The following IGFL3 variants were observed in gnomAD, a reference collection of about 807,000 sequenced individuals.
IGFL3 encodes insulin growth factor-like family member 3.
Under a neutral mutation model 17.0 loss-of-function variants are expected in IGFL3, and 12 were observed. The observed-to-expected ratio is 0.71, with a 90% CI of 0.45 to 1.14. IGFL3 has a LOEUF of 1.14. Among genes scored for constraint, IGFL3 ranks in the 50% most tolerant of loss-of-function variants. The probability of loss-of-function intolerance (pLI) is 0.00; values close to 1 mark genes in which losing one functional copy is unlikely to be tolerated. For synonymous variants in IGFL3, 52 were observed against 57.4 expected (o/e 0.91, Z 0.42); for missense variants, 153 against 151.6 (o/e 1.01, Z -0.05).
intron 3 of IGFL3, among the ~76,000 whole-genome samples, 193 bp downstream of exon 3, chr19:46,123,693 A>C (rs1971912838): frequency 6.6e-6 from 1 of 150,806 alleles, no homozygotes; most frequent in African/African-American, 2.5e-5. Flanking sequence ...TTTATGCAGG[A>C]GGACTGTTTG....
At chr19:46,120,388 A>T (rs762619995) in intron 3 of IGFL3, 31 bp from the exon 4 acceptor site, 2 of 1,610,242 alleles carry the variant, frequency 1.2e-6, no homozygotes, top group Non-Finnish European at 1.7e-6. Context: ...AAAGTGTCTT[A>T]ACAACATATA....
chr19:46,122,334 A>G (rs1182775941), intron 3 of IGFL3, among the ~76,000 whole-genome samples: 1 of 151,100 alleles, frequency 6.6e-6, no homozygotes, highest in African/African-American at 2.5e-5. Context: ...ATTTAGGACA[A>G]ATACTAAATA....
rs1315735432 is a variant in IGFL3 at position 46,120,641 on chromosome 19, A to G, written c.351-284T>C. On this transcript the variant is annotated intron_variant, in intron 3 of 3. Transcript: ENST00000341415. ...TTGATCTTAAAGAAAATGCAATGCA[A>G]TAGAAATCTGAAAACCAATACAGAG... Among the ~76,000 whole-genome samples the G allele has an allele frequency of 1.3e-5, 2 of 151,110 alleles. 1 individual carries two copies. Among genetic ancestry groups the G allele is most frequent in the East Asian group, 3.9e-4 (2 of 5,102 alleles).
At chr19:46,120,408 A>G in intron 3 of IGFL3, 51 bp from the exon 4 acceptor site, 1 of 1,607,682 alleles carries the variant, frequency 6.2e-7, no homozygotes, top group Non-Finnish European at 8.5e-7. Flanking sequence ...ATTCTCAGGA[A>G]AAAATTATCC....
At chr19:46,122,784 T>C (rs904256210) in intron 3 of IGFL3, among the ~76,000 whole-genome samples, 3 of 150,886 alleles carry the variant, frequency 2.0e-5, no homozygotes, top group Non-Finnish European at 2.9e-5. Flanking sequence ...AATAAAGTCT[T>C]AGCAAACACA....
chr19:46,124,687 G>A lies in IGFL3; in HGVS notation c.-38C>T. The A allele has an allele frequency of 6.3e-7, 1 of 1,589,214 alleles. No homozygotes were observed. Among genetic ancestry groups the A allele is most frequent in the Non-Finnish European group, 8.6e-7 (1 of 1,160,520 alleles). On this transcript the variant is annotated 5_prime_UTR_variant, in exon 1 of 4. Coordinates refer to ENST00000341415, the MANE Select transcript of IGFL3 (RefSeq NM_207393.2). ...GCTCTAGGAGAATTGAAGAAGAGTG[G>A]TAAAAGGCTGGAACTTATGGAGACA...
At chr19:46,123,800 C>T in intron 3 of IGFL3, 86 bp downstream of exon 3, 2 of 1,438,068 alleles carry the variant, frequency 1.4e-6, no homozygotes, top group East Asian at 4.7e-5. Context: ...CGTTAGAACT[C>T]CACAAACAGG....
Position 46,124,024 on chromosome 19 carries a change from G to T in IGFL3, c.212C>A (p.Ser71Tyr). 1 of 1,611,466 alleles carries T rather than the reference G, an allele frequency of 6.2e-7. No individual in the cohort carries two copies. Among genetic ancestry groups the T allele is most frequent in the Non-Finnish European group, 8.5e-7 (1 of 1,179,670 alleles). Residue 71 changes from serine (S) to tyrosine (Y), a missense_variant, in exon 3 of 4, where the codon TCC becomes TAC. Physicochemically the swap from Ser to Tyr is moderately radical, Grantham distance 144. Coordinates refer to ENST00000341415, the MANE Select transcript of IGFL3 (RefSeq NM_207393.2). ...LSLKETRRCG[S>Y]TCTFWPCFEL... The stretch of plus-strand genomic sequence containing the variant: ...AAAGCAGGGCCAGAAGGTGCAGGTG[G>T]AGCCACAGCGGCGGGTCTCCTTTAA...
chr19:46,124,539 A>G (rs772662338), intron 1 of IGFL3, 86 bp downstream of exon 1: 8 of 1,319,140 alleles, frequency 6.1e-6, no homozygotes, highest in Non-Finnish European at 8.7e-6. Context: ...ATAATGTTAG[A>G]GATAAAGAGG....
intron 3 of IGFL3, among the ~76,000 whole-genome samples, chr19:46,123,297 T>A (rs1195928513): frequency 6.6e-6 from 1 of 150,898 alleles, no homozygotes; most frequent in Non-Finnish European, 1.5e-5. Context: ...AGATAGAATT[T>A]AAAATTCATC....
intron 3 of IGFL3, among the ~76,000 whole-genome samples, chr19:46,121,288 C>T (rs1248501343): frequency 2.0e-5 from 3 of 148,462 alleles, no homozygotes; most frequent in Admixed American, 6.7e-5. Context: ...CTCAGGAGAC[C>T]GAGGTAGGAC....
intron 1 of IGFL3, 76 bp downstream of exon 1, chr19:46,124,549 G>T: frequency 7.4e-7 from 1 of 1,353,022 alleles, no homozygotes; most frequent in African/African-American, 1.5e-5. Context: ...AGATAAAGAG[G>T]AATAAATCGG....
At chr19:46,124,533 T>G in intron 1 of IGFL3, 92 bp downstream of exon 1, 1 of 1,296,072 alleles carries the variant, frequency 7.7e-7, no homozygotes, top group Non-Finnish European at 1.1e-6. Flanking sequence ...GCTGGAATAA[T>G]GTTAGAGATA....
Position 46,124,392 on chromosome 19 carries a change from A to AAC in IGFL3, c.26-73_26-72dup, listed in dbSNP as rs570541490. The AAC allele has an allele frequency of 5.2e-4, 764 of 1,469,558 alleles. 49 individuals carry two copies. In the African/African-American group the frequency reaches 9.7e-3, roughly 19 times the overall value. 91.0% of individuals were successfully genotyped at this position (1,469,558 alleles called of 1,614,324 possible). A position where few individuals can be genotyped will look rare whatever the true frequency, so the allele number is the denominator to read the frequency against. Reference sequence around the variant, plus strand: ...CAAGTATGGAAAAAACAAACAAACAAACAAACAGAGGTTAGGGTGGTTTAA... The same window carrying AAC: ...CAAGTATGGAAAAAACAAACAAACAAACACAAACAGAGGTTAGGGTGGTTTAA... On this transcript the variant is annotated intron_variant, in intron 1 of 3. Transcript: ENST00000341415.
rs1971990774 is a variant in IGFL3 at position 46,124,630 on chromosome 19, A to T, written c.20T>A (p.Ile7Asn). 1 of 1,609,176 alleles carries T rather than the reference A, an allele frequency of 6.2e-7. No homozygotes were observed. The highest frequency in any genetic ancestry group is 8.5e-7 in the Non-Finnish European group (1 of 1,177,878). ...GGATTTGGGGTCCTACTTGCCCAAG[A>T]TGCAGCATCGTGGCCTCATGCTTCC... MRPRCC[I>N]LALVCWITVF... Residue 7 changes from isoleucine to asparagine, a missense_variant, in exon 1 of 4, where the codon ATC becomes AAC. By Grantham distance (149) the Ile-to-Asn change is moderately radical (BLOSUM62 -3). Transcript: ENST00000341415.
chr19:46,123,314 A>G (rs1971881388), intron 3 of IGFL3, among the ~76,000 whole-genome samples: 1 of 150,964 alleles, frequency 6.6e-6, no homozygotes, highest in Admixed American at 6.6e-5. Flanking sequence ...CATCTTAAAA[A>G]TAGAAACAAA....
chr19:46,124,639 C>T lies in IGFL3; in HGVS notation c.11G>A (p.Arg4Gln), dbSNP rs151178962. 2.2e-5 allele frequency: 36 copies of T among 1,609,118 alleles called. No homozygotes were observed. The highest frequency in any genetic ancestry group is 2.8e-5 in the Non-Finnish European group (33 of 1,177,954). The change falls in exon 1 of 4, where the codon CGA (arginine) becomes CAA (glutamine). Residue 4 changes from arginine to glutamine, a missense_variant. Physicochemically the swap from Arg to Gln is conservative, Grantham distance 43. Transcript: ENST00000341415. ...GTCCTACTTGCCCAAGATGCAGCAT[C>T]GTGGCCTCATGCTTCCAAAGATGCT... MRPRCCILALVCWI... is the reference protein window; with the variant it reads MRPQCCILALVCWI...
At chr19:46,123,429 T>G (rs1568404710) in intron 3 of IGFL3, among the ~76,000 whole-genome samples, 1 of 150,906 alleles carries the variant, frequency 6.6e-6, no homozygotes, top group Non-Finnish European at 1.5e-5. Context: ...TTAAGTAAAG[T>G]AAGGAAAAAA....
At chr19:46,120,858 T>A (rs528415451) in intron 3 of IGFL3, among the ~76,000 whole-genome samples, 1 of 150,958 alleles carries the variant, frequency 6.6e-6, no homozygotes, top group Non-Finnish European at 1.5e-5. Context: ...GTAATAGATA[T>A]GTTAATTTCC....
Sources: allele counts gnomAD v4.1 joint callset (sites outside exome capture counted in the v4.1 genomes callset), GRCh38; gene constraint gnomAD v4.1.1; transcripts MANE v1.5; gene names NCBI Gene and HGNC (gene_info 2026-07-23, HGNC 2026-07-21).